The following FOXP1 variants were observed in gnomAD, a reference collection of about 807,000 sequenced individuals.
The protein encoded by FOXP1 is forkhead box protein P1.
FOXP1 carries 15 observed loss-of-function variants against 98.2 expected under a neutral mutation model. The observed-to-expected ratio is 0.15, with a 90% CI of 0.10 to 0.24. The LOEUF (loss-of-function observed/expected upper bound fraction) is 0.24, where lower values mean the gene tolerates loss of function less well. Among genes scored for constraint, FOXP1 ranks in the 10% least tolerant of loss-of-function variants. FOXP1 has a pLI of 1.00. For missense variants in FOXP1, 633 were observed against 848.5 expected (o/e 0.75, Z 3.15); for synonymous variants, 371 against 314.5 (o/e 1.18, Z -1.90).
intron 3 of FOXP1, among the ~76,000 whole-genome samples, chr3:71,465,018 C>A (rs1389066112): frequency 2.6e-5 from 4 of 152,032 alleles, no homozygotes; most frequent in African/African-American, 4.8e-5. Context: ...AGAAGATGGC[C>A]AGGCTAAGGC....
At chr3:71,040,546 C>G (rs1219083428) in intron 11 of FOXP1, 2 of 152,304 alleles carry the variant, frequency 1.3e-5, no homozygotes, top group African/African-American at 4.8e-5. Flanking sequence ...CATGAATTAA[C>G]AGCTTTATTT....
intron 3 of FOXP1, among the ~76,000 whole-genome samples, chr3:71,433,367 G>C (rs536815196): frequency 2.0e-5 from 3 of 152,126 alleles, no homozygotes; most frequent in Admixed American, 6.6e-5. Context: ...AACACTCTAC[G>C]TGTCTATCAG....
intron 6 of FOXP1, among the ~76,000 whole-genome samples, chr3:71,191,070 T>C (rs2062950281): frequency 6.6e-6 from 1 of 152,228 alleles, no homozygotes; most frequent in Non-Finnish European, 1.5e-5. Context: ...TCAAGTAATC[T>C]ATGCACTACC....
At chr3:71,554,524 T>C in intron 2 of FOXP1, among the ~76,000 whole-genome samples, 1 of 152,208 alleles carries the variant, frequency 6.6e-6, no homozygotes, top group East Asian at 1.9e-4. Context: ...TGTTGTTTGA[T>C]TCCGTGTACT....
chr3:71,158,727 C>CCA (rs1553762683), intron 6 of FOXP1, among the ~76,000 whole-genome samples: 27 of 113,042 alleles, frequency 2.4e-4, no homozygotes, highest in Non-Finnish European at 5.5e-5. Flanking sequence ...GCCCACAGAC[C>CCA]AAAAAAAAAA....
chr3:71,459,588 T>C (rs1267156207), intron 3 of FOXP1, among the ~76,000 whole-genome samples: 2 of 152,246 alleles, frequency 1.3e-5, no homozygotes, highest in African/African-American at 4.8e-5. Context: ...CTTCGTCTTG[T>C]GTCCCTCATG....
In FOXP1 at chr3:71,237,231, G is replaced by GAAAAAAAAAAA. The variant is rs757405755; in HGVS notation, c.-11-38850_-11-38840dup. Among the ~76,000 whole-genome samples the GAAAAAAAAAAA allele has an allele frequency of 8.1e-4, 23 of 28,286 alleles. 2 individuals are homozygous for GAAAAAAAAAAA. Among genetic ancestry groups the GAAAAAAAAAAA allele is most frequent in the African/African-American group, 1.3e-3 (9 of 6,756 alleles). The allele number at this position is 28,286 out of a possible 152,430, so 18.6% of individuals were successfully genotyped here. On this transcript the variant is annotated intron_variant, in intron 5 of 20. Transcript: ENST00000649528. Reference sequence around the variant, plus strand: ...TGGGCGACAGAGCAAGACTCCATCTGAAAAAAAAAAAAAAAAAAAAAAAAA... The same window carrying GAAAAAAAAAAA: ...TGGGCGACAGAGCAAGACTCCATCTGAAAAAAAAAAAAAAAAAAAAAAAAAAAAAAAAAAAA...
rs1217050763 is a variant in FOXP1 at position 71,000,950 on chromosome 3, T to G, written c.1062+22A>C. The G allele has an allele frequency of 2.6e-6, 4 of 1,528,376 alleles. No homozygotes were observed. The South Asian group carries it at 4.5e-5, about 17-fold the overall frequency. 94.7% of individuals were successfully genotyped at this position (1,528,376 alleles called of 1,614,324 possible). ...AATTTGAGGCATACTGAGGTTAATA[T>G]TAAAAATAAATGTGGTTTTACCTGT... On this transcript the variant is annotated intron_variant, in intron 13 of 20. Transcript: ENST00000649528.
In FOXP1 at chr3:70,967,700, G is replaced by GTTTTTTTT. The variant is rs1553657848; in HGVS notation, c.1723-1652_1723-1645dup. Among the ~76,000 whole-genome samples, 27 of 63,624 alleles carry GTTTTTTTT rather than the reference G, an allele frequency of 4.2e-4. 1 individual carries two copies. Among genetic ancestry groups the GTTTTTTTT allele is most frequent in the East Asian group, 1.0e-3 (2 of 1,962 alleles). The allele number at this position is 63,624 out of a possible 152,430, so 41.7% of individuals were successfully genotyped here. On this transcript the variant is annotated intron_variant, in intron 19 of 20. Transcript: ENST00000649528. ...CTACTATTATTTGTTTTTTTTTTTT[G>GTTTTTTTT]TTTTTTTTTGTTTTTTTTTTTTTTT...
chr3:71,402,009 G>A (rs2081986955), intron 3 of FOXP1, among the ~76,000 whole-genome samples: 1 of 152,150 alleles, frequency 6.6e-6, no homozygotes, highest in South Asian at 2.1e-4. Context: ...GAGACGGAAT[G>A]GCACACAAAC....
chr3:71,085,379 G>A (rs1406493311), intron 7 of FOXP1, among the ~76,000 whole-genome samples: 1 of 152,074 alleles, frequency 6.6e-6, no homozygotes, highest in East Asian at 1.9e-4. Flanking sequence ...CGAAGTCCTG[G>A]CCTCAAGCAA....
At chr3:71,019,254 A>G (rs772151887) in intron 11 of FOXP1, among the ~76,000 whole-genome samples, 10 of 152,216 alleles carry the variant, frequency 6.6e-5, no homozygotes, top group South Asian at 2.1e-4. Flanking sequence ...TGATTTGGGC[A>G]TCTGATGGTA....
intron 13 of FOXP1, among the ~76,000 whole-genome samples, chr3:70,998,799 A>C (rs1246950601): frequency 6.6e-6 from 1 of 152,222 alleles, no homozygotes; most frequent in African/African-American, 2.4e-5. Flanking sequence ...CAGGAAATAA[A>C]CACTTAATTT....
chr3:71,209,127 T>G (rs1218609569), intron 5 of FOXP1, among the ~76,000 whole-genome samples: 2 of 152,148 alleles, frequency 1.3e-5, no homozygotes, highest in African/African-American at 4.8e-5. Flanking sequence ...AACAGGCCCC[T>G]TTAAGAAAAA....
intron 3 of FOXP1, among the ~76,000 whole-genome samples, chr3:71,391,344 T>G (rs961917104): frequency 2.6e-5 from 4 of 152,198 alleles, no homozygotes; most frequent in Non-Finnish European, 1.5e-5. Flanking sequence ...CCTAACTAAA[T>G]AAACAAAGAC....
intron 1 of FOXP1, chr3:71,582,119 GGGGGGCATGCGACTTTGTTTCC>G: frequency 1.0e-6 from 1 of 983,860 alleles, no homozygotes; most frequent in Non-Finnish European, 1.2e-6. Flanking sequence ...ACACATGGGA[GGGGGGCATGCGACTTTGTTTCC>G]GGGAGCGGAG....
intron 6 of FOXP1, among the ~76,000 whole-genome samples, chr3:71,165,275 C>T (rs926721307): frequency 3.4e-5 from 5 of 145,826 alleles, no homozygotes; most frequent in Non-Finnish European, 7.5e-5. Flanking sequence ...AAATCAAAAC[C>T]TGTTTCCCAG....
rs756765084 is a variant in FOXP1 at position 70,977,963 on chromosome 3, G to C, written c.1213C>G (p.His405Asp). The C allele has an allele frequency of 6.2e-7, 1 of 1,614,146 alleles. No individual in the cohort carries two copies. Reference protein sequence around the residue: ...ASEASPQSLPHTPTTPTAPLT... With the variant: ...ASEASPQSLPDTPTTPTAPLT... ...GGGGCGGTTGGGGTCGTTGGAGTAT[G>C]AGGTAAGCTCTGTGGAGAAGCCTCC... is the stretch of plus-strand genomic sequence containing the variant. Residue 405 changes from histidine (H) to aspartate (D), a missense_variant, in exon 15 of 21, where the codon CAT (histidine) becomes GAT (aspartate). His to Asp is a moderately conservative substitution (Grantham distance 81, BLOSUM62 -1). This residue lies in a region of FOXP1 where 141 missense variants were observed against 199.5 expected (regional missense o/e 0.71). Coordinates refer to ENST00000649528, the MANE Select transcript of FOXP1 (RefSeq NM_001349338.3).
At chr3:71,371,242 G>A (rs1337873315) in intron 3 of FOXP1, among the ~76,000 whole-genome samples, 1 of 152,150 alleles carries the variant, frequency 6.6e-6, no homozygotes, top group Non-Finnish European at 1.5e-5. Context: ...TTGTATTGGT[G>A]CGTAGCTGCA....
Sources: gnomAD v4.1 joint callset for allele counts (sites outside exome capture counted in the v4.1 genomes callset) on GRCh38, gnomAD v4.1.1 for gene constraint, gnomAD v4.1.1 regional missense constraint, MANE v1.5 for transcripts, NCBI Gene and HGNC (gene_info 2026-07-23, HGNC 2026-07-21) for gene names.